The following DMD variants were observed in gnomAD, a reference collection of about 807,000 sequenced individuals.
DMD encodes mutant dystrophin.
Under a neutral mutation model 330.1 loss-of-function variants are expected in DMD, and 63 were observed. That is an observed-to-expected ratio of 0.19 (90% CI 0.16 to 0.24). The LOEUF is 0.24. Among genes scored for constraint, DMD ranks in the 10% least tolerant of loss-of-function variants. The pLI, the probability that DMD is intolerant of heterozygous loss-of-function variation, is 1.00. For synonymous variants in DMD, 1,223 were observed against 959.8 expected (o/e 1.27, Z -5.07); for missense variants, 3,344 against 2,684.1 (o/e 1.25, Z -5.43).
In DMD at chrX:33,014,546, A is replaced by T. The variant is rs34352997; in HGVS notation, c.93+5593T>A. 0.097 allele frequency among the ~76,000 whole-genome samples: 10,814 copies of T among 110,978 alleles called. 747 individuals carry two copies. The highest frequency in any genetic ancestry group is 0.23 in the African/African-American group (6,893 of 30,466). ...ACTAGTTGCTGCAGGAACAGATTCA[A>T]CCAATGTAGAGAAACAAGGAAATAT... is the stretch of plus-strand genomic sequence containing the variant. On this transcript the variant is annotated intron_variant, in intron 2 of 78. Transcript: ENST00000357033.
At chrX:32,495,073 T>C (rs1270559538) in intron 19 of DMD, among the ~76,000 whole-genome samples, 1 of 111,687 alleles carries the variant, frequency 9.0e-6, no homozygotes, top group South Asian at 3.7e-4. Flanking sequence ...AACGAAAACA[T>C]TTCAAAAAAA....
In DMD at chrX:33,051,646, A is replaced by ATTTTTTTTTTTTTTTT. The variant is rs754035822; in HGVS notation, c.32-31462_32-31447dup. Among the ~76,000 whole-genome samples the ATTTTTTTTTTTTTTTT allele has an allele frequency of 2.5e-3, 177 of 71,907 alleles. 25 individuals are homozygous for ATTTTTTTTTTTTTTTT. Among genetic ancestry groups the ATTTTTTTTTTTTTTTT allele is most frequent in the African/African-American group, 0.011 (169 of 15,356 alleles). 62.4% of individuals were successfully genotyped at this position (71,907 alleles called of 115,157 possible). A position where few individuals can be genotyped will look rare whatever the true frequency, so the allele number is the denominator to read the frequency against. On this transcript the variant is annotated intron_variant, in intron 1 of 78. Coordinates refer to ENST00000357033, the MANE Select transcript of DMD (RefSeq NM_004006.3). ...TAAGGAAAATATATAATTACGCTCT[A>ATTTTTTTTTTTTTTTT]TTTTTTTTTTTTTTTTTTTGAGACG...
chrX:32,832,143 AT>A (rs1034447674), intron 4 of DMD, among the ~76,000 whole-genome samples: 2 of 111,501 alleles, frequency 1.8e-5, no homozygotes, highest in Admixed American at 9.6e-5. Flanking sequence ...AAATACAAGC[AT>A]TTTTAAAATT....
intron 2 of DMD, among the ~76,000 whole-genome samples, chrX:32,865,146 T>C (rs1410480728): frequency 1.8e-5 from 2 of 111,843 alleles, no homozygotes; most frequent in Non-Finnish European, 3.8e-5. Context: ...ACGAGGGGGA[T>C]AGTCATTCAA....
chrX:31,747,647 C>T (rs1445850410), intron 51 of DMD, among the ~76,000 whole-genome samples: 2 of 111,200 alleles, frequency 1.8e-5, no homozygotes, highest in African/African-American at 3.3e-5. Flanking sequence ...CAAATGAAGC[C>T]GATTCTGAGG....
At chrX:32,869,198 A>G (rs1490602601) in intron 2 of DMD, among the ~76,000 whole-genome samples, 3 of 111,518 alleles carry the variant, frequency 2.7e-5, no homozygotes, top group Non-Finnish European at 5.7e-5. Flanking sequence ...AACAGAAAGC[A>G]ACAACAACAG....
At chrX:32,540,852 T>C (rs1281803928) in intron 17 of DMD, among the ~76,000 whole-genome samples, 3 of 111,830 alleles carry the variant, frequency 2.7e-5, no homozygotes, top group African/African-American at 6.5e-5. Flanking sequence ...AGAATAATAC[T>C]GAATGCCATA....
At chrX:32,620,046 G>C (rs1457256131) in intron 11 of DMD, among the ~76,000 whole-genome samples, 1 of 111,783 alleles carries the variant, frequency 8.9e-6, no homozygotes, top group African/African-American at 3.3e-5. Context: ...AGCAACCAAA[G>C]GCCAAGAGGA....
intron 44 of DMD, among the ~76,000 whole-genome samples, chrX:32,080,843 T>C (rs1406649848): frequency 9.0e-6 from 1 of 111,434 alleles, no homozygotes; most frequent in Non-Finnish European, 1.9e-5. Context: ...AATGCAGGAG[T>C]AGTAAGGCTC....
chrX:32,883,792 C>T (rs188033824), intron 2 of DMD, among the ~76,000 whole-genome samples: 1,386 of 88,270 alleles, frequency 0.016, 14 homozygotes, highest in Middle Eastern at 0.026. Flanking sequence ...CCACTGCACT[C>T]CAGCCTGGGT....
At chrX:31,564,269 G>A (rs1051908619) in intron 55 of DMD, among the ~76,000 whole-genome samples, 3 of 111,742 alleles carry the variant, frequency 2.7e-5, no homozygotes, top group Non-Finnish European at 5.6e-5. Flanking sequence ...GCAGTCATAG[G>A]AAACAAATAC....
At chrX:33,163,236 GACA>G (rs2148668492) in intron 1 of DMD, among the ~76,000 whole-genome samples, 1 of 111,184 alleles carries the variant, frequency 9.0e-6, no homozygotes, top group South Asian at 3.8e-4. Context: ...CTTCAGTAAA[GACA>G]ACTTTTAAAA....
chrX:31,515,674 G>A (rs1050207015), intron 55 of DMD, among the ~76,000 whole-genome samples: 3 of 112,063 alleles, frequency 2.7e-5, no homozygotes, highest in Non-Finnish European at 5.6e-5. Context: ...TCAGAAAGGT[G>A]TAAAAGGAGC....
At chrX:32,837,718 G>GT (rs1428171367) in intron 4 of DMD, among the ~76,000 whole-genome samples, 2 of 111,735 alleles carry the variant, frequency 1.8e-5, no homozygotes, top group African/African-American at 6.5e-5. Flanking sequence ...TATAGTGAAT[G>GT]TATCACTTGG....
At chrX:33,097,132 A>G (rs1469226200) in intron 1 of DMD, among the ~76,000 whole-genome samples, 1 of 111,405 alleles carries the variant, frequency 9.0e-6, no homozygotes, top group Non-Finnish European at 1.9e-5. Context: ...AATGAGCTGG[A>G]TCTGAATAAA....
Position 33,013,998 on chromosome X carries a change from AG to A in DMD, c.93+6140del, listed in dbSNP as rs1232344804. 7.1e-5 allele frequency among the ~76,000 whole-genome samples: 8 copies of A among 112,353 alleles called. No individual in the cohort carries two copies. In the Admixed American group the frequency reaches 7.6e-4, roughly 11 times the overall value. ...AATAAAGAAATGAACAAGTATCCAGAGGAAAATCACCCTTCAAAAACTTTAG... is the reference window on the plus strand; with the variant it reads ...AATAAAGAAATGAACAAGTATCCAGAGAAAATCACCCTTCAAAAACTTTAG... On this transcript the variant is annotated intron_variant, in intron 2 of 78. Transcript: ENST00000357033.
chrX:32,431,811 A>G (rs900738202), intron 29 of DMD, among the ~76,000 whole-genome samples: 1 of 110,919 alleles, frequency 9.0e-6, no homozygotes, highest in South Asian at 3.8e-4. Flanking sequence ...CTAGAAGTAA[A>G]CTCACCGTTC....
chrX:32,050,389 C>G (rs1444955818), intron 44 of DMD, among the ~76,000 whole-genome samples: 2 of 111,051 alleles, frequency 1.8e-5, no homozygotes, highest in Non-Finnish European at 3.8e-5. Context: ...AATTATACTG[C>G]CTAGGTTATA....
intron 77 of DMD, among the ~76,000 whole-genome samples, chrX:31,127,897 T>C (rs2033939954): frequency 9.0e-6 from 1 of 111,640 alleles, no homozygotes; most frequent in African/African-American, 3.3e-5. Context: ...CTCTTCCTTC[T>C]GAATTTCCTA....
Sources: gnomAD v4.1 joint callset for allele counts (sites outside exome capture counted in the v4.1 genomes callset) on GRCh38, gnomAD v4.1.1 for gene constraint, MANE v1.5 for transcripts, NCBI Gene and HGNC (gene_info 2026-07-23, HGNC 2026-07-21) for gene names.